CYP19A1: variants seen among roughly 807,000 people sequenced by gnomAD.
CYP19A1 encodes cytochrome P450 family 19 subfamily A member 1.
In CYP19A1, 32 loss-of-function variants were observed where a neutral mutation model predicts 44.4. The observed-to-expected ratio is 0.72, with a 90% CI of 0.54 to 0.97. The LOEUF (loss-of-function observed/expected upper bound fraction) is 0.97, where lower values mean the gene tolerates loss of function less well. Among genes scored for constraint, CYP19A1 ranks in the 50% least tolerant of loss-of-function variants. The pLI, the probability that CYP19A1 is intolerant of heterozygous loss-of-function variation, is 0.00. For synonymous variants in CYP19A1, 212 were observed against 215.6 expected, an observed-to-expected ratio of 0.98 and a Z score of 0.14; for missense variants, 598 against 637.8, an observed-to-expected ratio of 0.94 and a Z score of 0.67.
intron 1 of CYP19A1, chr15:51,318,697 C>T (rs1397068068): frequency 6.6e-6 from 1 of 152,234 alleles, no homozygotes; most frequent in Non-Finnish European, 1.5e-5. Flanking sequence ...TTCCAGAGGG[C>T]TGTTTCCTGG....
intron 4 of CYP19A1, among the ~76,000 whole-genome samples, chr15:51,226,689 G>A (rs1186170581): frequency 6.6e-6 from 1 of 151,322 alleles, no homozygotes; most frequent in Non-Finnish European, 1.5e-5. Context: ...CACTGACAAG[G>A]TTTCCAGGGT....
intron 1 of CYP19A1, chr15:51,276,991 G>A (rs1469792652): frequency 6.6e-6 from 1 of 151,332 alleles, no homozygotes; most frequent in Non-Finnish European, 1.5e-5. Context: ...AATTTAAAGA[G>A]GTATTTGCAC....
At chr15:51,256,994 A>T (rs1406245487) in intron 1 of CYP19A1, among the ~76,000 whole-genome samples, 1 of 152,182 alleles carries the variant, frequency 6.6e-6, no homozygotes, top group Non-Finnish European at 1.5e-5. Context: ...CACCATTATT[A>T]ATTGCACCCC....
intron 4 of CYP19A1, among the ~76,000 whole-genome samples, chr15:51,225,532 G>A (rs2032500328): frequency 6.6e-6 from 1 of 152,184 alleles, no homozygotes; most frequent in Admixed American, 6.5e-5. Context: ...GGTCAGATAG[G>A]TAGCAAGTGG....
chr15:51,318,896 G>A (rs1213836329), intron 1 of CYP19A1: 1 of 152,230 alleles, frequency 6.6e-6, no homozygotes, highest in East Asian at 1.9e-4. Context: ...CCAATAATGT[G>A]GTATGTCCAG....
At chr15:51,300,071 T>C (rs9920117) in intron 1 of CYP19A1, among the ~76,000 whole-genome samples, 2 of 152,306 alleles carry the variant, frequency 1.3e-5, no homozygotes, top group African/African-American at 4.8e-5. Context: ...GACCAAACCA[T>C]TGTCAGTGTG....
At chr15:51,316,059 C>T (rs1212651898) in intron 1 of CYP19A1, 2 of 152,214 alleles carry the variant, frequency 1.3e-5, no homozygotes, top group African/African-American at 2.4e-5. Context: ...CTGGTTCCTT[C>T]GCCATTCAGC....
At chr15:51,258,580 G>A (rs1011128035) in intron 1 of CYP19A1, among the ~76,000 whole-genome samples, 1 of 152,158 alleles carries the variant, frequency 6.6e-6, no homozygotes, top group Admixed American at 6.5e-5. Flanking sequence ...CTGCCTTCAG[G>A]AGGATCCACT....
intron 1 of CYP19A1, among the ~76,000 whole-genome samples, chr15:51,288,163 T>C (rs545615729): frequency 6.6e-6 from 1 of 152,282 alleles, no homozygotes; most frequent in African/African-American, 2.4e-5. Context: ...GCAGTGATTT[T>C]TGAATGAATG....
intron 6 of CYP19A1, among the ~76,000 whole-genome samples, chr15:51,216,555 C>T (rs1011738230): frequency 9.9e-5 from 15 of 152,176 alleles, no homozygotes; most frequent in African/African-American, 3.4e-4. Context: ...ACCTGGCCCC[C>T]ATAGTCTGCT....
intron 1 of CYP19A1, among the ~76,000 whole-genome samples, chr15:51,319,974 G>A (rs1421686082): frequency 1.3e-5 from 2 of 152,226 alleles, no homozygotes; most frequent in African/African-American, 2.4e-5. Flanking sequence ...GTCACAGAGC[G>A]ACACTTGAAT....
At chr15:51,321,628 C>T (rs1003917275) in intron 1 of CYP19A1, 5 of 152,244 alleles carry the variant, frequency 3.3e-5, no homozygotes, top group Non-Finnish European at 5.9e-5. Flanking sequence ...TAAGGTCCCA[C>T]TTATGTCCCT....
At chr15:51,275,344 C>A (rs754643001) in intron 1 of CYP19A1, among the ~76,000 whole-genome samples, 2 of 152,230 alleles carry the variant, frequency 1.3e-5, no homozygotes, top group African/African-American at 2.4e-5. Context: ...TAAGGAGTCT[C>A]TTCTGTGAAA....
chr15:51,227,306 A>T (rs1468905057), intron 4 of CYP19A1, among the ~76,000 whole-genome samples: 1 of 152,092 alleles, frequency 6.6e-6, no homozygotes, highest in Non-Finnish European at 1.5e-5. Context: ...TGTTTAGAAC[A>T]ATGGCTACAA....
intron 1 of CYP19A1, chr15:51,321,929 G>A (rs1307764788): frequency 6.6e-6 from 1 of 150,408 alleles, no homozygotes; most frequent in Non-Finnish European, 1.5e-5. Context: ...TAACTAAACG[G>A]AGAGAAATGC....
chr15:51,297,868 A>ACACACACACC lies in CYP19A1; in HGVS notation c.-39+40626_-39+40627insGGTGTGTGTG, dbSNP rs1173662173. Among the ~76,000 whole-genome samples the ACACACACACC allele has an allele frequency of 3.9e-4, 57 of 146,792 alleles. 1 individual carries two copies. The East Asian group carries it at 7.1e-3, about 18-fold the overall frequency. On this transcript the variant is annotated intron_variant, in intron 1 of 9. Coordinates refer to ENST00000396402, the MANE Select transcript of CYP19A1 (RefSeq NM_000103.4). ...CACACACACACACACACACACACACACCCTAGGCCTGATGGGGGCCTAACA... is the reference window on the plus strand; with the variant it reads ...CACACACACACACACACACACACACACACACACACCCCCTAGGCCTGATGGGGGCCTAACA...
At chr15:51,268,093 C>T (rs138577784) in intron 1 of CYP19A1, among the ~76,000 whole-genome samples, 2 of 152,366 alleles carry the variant, frequency 1.3e-5, no homozygotes, top group East Asian at 3.9e-4. Context: ...CACCCTCCCC[C>T]ATCCCATTTA....
chr15:51,255,232 T>C (rs574598616), intron 1 of CYP19A1, among the ~76,000 whole-genome samples: 5 of 152,128 alleles, frequency 3.3e-5, no homozygotes, highest in African/African-American at 4.8e-5. Context: ...TATTCAGTAA[T>C]TGGGGGCAAA....
Position 51,227,798 on chromosome 15 carries a change from AGTT to A in CYP19A1, c.429_431del (p.Thr144del). On this transcript the variant is annotated inframe_deletion, in exon 4 of 10. Transcript: ENST00000396402. Reference sequence around the variant, plus strand: ...GCTTACCTTTCATAAAGAAGGGTCGAGTTGTTTTCCAGAGCTCTGGATTGTTGT... The same window carrying A: ...GCTTACCTTTCATAAAGAAGGGTCGAGTTTTCCAGAGCTCTGGATTGTTGT... 1 of 1,537,130 alleles carries A rather than the reference AGTT, an allele frequency of 6.5e-7. No homozygotes were observed. The highest frequency in any genetic ancestry group is 9.0e-7 in the Non-Finnish European group (1 of 1,109,922).
Sources: gnomAD v4.1 joint callset for allele counts (sites outside exome capture counted in the v4.1 genomes callset) on GRCh38, gnomAD v4.1.1 for gene constraint, MANE v1.5 for transcripts, NCBI Gene and HGNC (gene_info 2026-07-23, HGNC 2026-07-21) for gene names.